Variants in SLC25A48 observed in about 807,000 individuals in gnomAD.
The protein encoded by SLC25A48 is solute carrier family 25 member 48, also known as CTC-321K16.1.
SLC25A48 carries 29 observed loss-of-function variants against 32.2 expected under a neutral mutation model. That is an observed-to-expected ratio of 0.90 (90% CI 0.67 to 1.23). The LOEUF (loss-of-function observed/expected upper bound fraction) is 1.23. Among genes scored for constraint, SLC25A48 ranks in the 50% most tolerant of loss-of-function variants. SLC25A48 has a pLI of 0.00. For missense variants in SLC25A48, 399 were observed against 422.7 expected, an observed-to-expected ratio of 0.94 and a Z score of 0.49; for synonymous variants, 164 against 172.3, an observed-to-expected ratio of 0.95 and a Z score of 0.38.
At chr5:135,600,873 G>C (rs1267799336) in intron 1 of SLC25A48, among the ~76,000 whole-genome samples, 2 of 146,096 alleles carry the variant, frequency 1.4e-5, no homozygotes, top group East Asian at 4.0e-4. Flanking sequence ...TGTATTTTTA[G>C]TAGAGACAGG....
chr5:135,752,584 G>T (rs1369401068), intron 3 of SLC25A48, among the ~76,000 whole-genome samples: 1 of 151,990 alleles, frequency 6.6e-6, no homozygotes, highest in Admixed American at 6.6e-5. Context: ...TCTTCCTACA[G>T]TATCACAAAT....
At chr5:135,793,055 C>T (rs531439843) in intron 3 of SLC25A48, among the ~76,000 whole-genome samples, 11 of 151,246 alleles carry the variant, frequency 7.3e-5, no homozygotes, top group Non-Finnish European at 1.3e-4. Flanking sequence ...TGGGTACACC[C>T]TGGGATATTA....
chr5:135,616,712 T>G (rs756503306), intron 1 of SLC25A48, among the ~76,000 whole-genome samples: 10 of 152,200 alleles, frequency 6.6e-5, no homozygotes, highest in African/African-American at 2.2e-4. Flanking sequence ...CTTGGAGAAC[T>G]GTTGAAAAGG....
intron 3 of SLC25A48, chr5:135,654,085 T>A (rs1753184258): frequency 2.8e-6 from 1 of 362,520 alleles, no homozygotes; most frequent in African/African-American, 2.1e-5. Flanking sequence ...ATTGTGACAT[T>A]TTCAGCAGGA....
At chr5:135,701,939 T>C (rs1348464165) in intron 3 of SLC25A48, among the ~76,000 whole-genome samples, 1 of 152,278 alleles carries the variant, frequency 6.6e-6, no homozygotes, top group Non-Finnish European at 1.5e-5. Flanking sequence ...GCCCAGGCAC[T>C]GGGCTCCATG....
chr5:135,659,102 A>C (rs801546), intron 3 of SLC25A48, among the ~76,000 whole-genome samples: 1 of 152,168 alleles, frequency 6.6e-6, no homozygotes, highest in South Asian at 2.1e-4. Context: ...AACATGGTCG[A>C]TCTGCAAATT....
At chr5:135,869,357 G>C (rs1761465917) in intron 4 of SLC25A48, among the ~76,000 whole-genome samples, 1 of 152,138 alleles carries the variant, frequency 6.6e-6, no homozygotes, top group South Asian at 2.1e-4. Context: ...AGCTAGATTG[G>C]TTATGTGGCA....
At chr5:135,682,982 T>C (rs1273489050) in intron 3 of SLC25A48, among the ~76,000 whole-genome samples, 1 of 152,042 alleles carries the variant, frequency 6.6e-6, no homozygotes, top group Non-Finnish European at 1.5e-5. Flanking sequence ...TGAGAGAGGG[T>C]AGAAGGGATT....
At chr5:135,776,197 A>C (rs1437701111) in intron 3 of SLC25A48, among the ~76,000 whole-genome samples, 1 of 148,706 alleles carries the variant, frequency 6.7e-6, no homozygotes, top group Non-Finnish European at 1.5e-5. Context: ...TATCCAAGCG[A>C]GTGATGATGA....
chr5:135,764,966 C>G (rs1487681815), intron 3 of SLC25A48, among the ~76,000 whole-genome samples: 1 of 151,702 alleles, frequency 6.6e-6, no homozygotes. Context: ...ACGTGTACAT[C>G]TCCCTGTGAT....
At chr5:135,864,713 G>A (rs1346312872) in intron 4 of SLC25A48, among the ~76,000 whole-genome samples, 2 of 152,334 alleles carry the variant, frequency 1.3e-5, no homozygotes, top group Middle Eastern at 3.4e-3. Flanking sequence ...TGAACAGTTT[G>A]TCCTTTTCAA....
intron 3 of SLC25A48, among the ~76,000 whole-genome samples, chr5:135,793,897 A>ATATCAC (rs1561496067): frequency 5.3e-5 from 8 of 151,542 alleles, no homozygotes; most frequent in African/African-American, 1.9e-4. Context: ...TGAGTGTACA[A>ATATCAC]CATGTGTGTA....
chr5:135,694,390 C>T (rs1397960295), intron 3 of SLC25A48, among the ~76,000 whole-genome samples: 1 of 152,030 alleles, frequency 6.6e-6, no homozygotes, highest in African/African-American at 2.4e-5. Context: ...ATGAAACCAG[C>T]TCCCCGTTAG....
chr5:135,730,799 A>G lies in SLC25A48; in HGVS notation c.-520-81724A>G, dbSNP rs142088520. Among the ~76,000 whole-genome samples, 781 of 152,280 alleles carry G rather than the reference A, an allele frequency of 5.1e-3. 4 individuals carry two copies. Among genetic ancestry groups the G allele is most frequent in the African/African-American group, 0.018 (749 of 41,560 alleles). On this transcript the variant is annotated intron_variant, in intron 3 of 10. Transcript: ENST00000646290. ...CAGGCTGAGGTGGTCTTAGATGGAG[A>G]TGAGGAACTTGTTGGGTACTGGAGC...
intron 3 of SLC25A48, among the ~76,000 whole-genome samples, chr5:135,801,851 C>CG: frequency 6.6e-6 from 1 of 151,262 alleles, no homozygotes; most frequent in South Asian, 2.1e-4. Flanking sequence ...TCGTATTATC[C>CG]GGGGGGCGGG....
At chr5:135,720,469 C>T (rs1159804535) in intron 3 of SLC25A48, among the ~76,000 whole-genome samples, 5 of 152,200 alleles carry the variant, frequency 3.3e-5, no homozygotes, top group Non-Finnish European at 7.4e-5. Context: ...TTTGGTGACC[C>T]AGCCAGCCTG....
At chr5:135,776,027 T>A (rs1369101142) in intron 3 of SLC25A48, among the ~76,000 whole-genome samples, 1 of 151,708 alleles carries the variant, frequency 6.6e-6, no homozygotes, top group East Asian at 1.9e-4. Flanking sequence ...TTCCATATAT[T>A]GTCCCTAATA....
intron 3 of SLC25A48, among the ~76,000 whole-genome samples, chr5:135,770,406 A>G (rs1013222169): frequency 6.6e-6 from 1 of 151,406 alleles, no homozygotes; most frequent in Non-Finnish European, 1.5e-5. Context: ...GGATGATATT[A>G]CTCCCAGTAT....
At chr5:135,844,832 A>T (rs1453328505) in intron 2 of SLC25A48, among the ~76,000 whole-genome samples, 1 of 152,186 alleles carries the variant, frequency 6.6e-6, no homozygotes, top group Non-Finnish European at 1.5e-5. Flanking sequence ...AAGATGAACA[A>T]GCATTCTCCA....
Sources: gnomAD v4.1 joint callset for allele counts (sites outside exome capture counted in the v4.1 genomes callset) on GRCh38, gnomAD v4.1.1 for gene constraint, MANE v1.5 for transcripts, NCBI Gene and HGNC (gene_info 2026-07-23, HGNC 2026-07-21) for gene names.